The following ACACA variants were observed in gnomAD, a reference collection of about 807,000 sequenced individuals.
ACACA encodes the protein acetyl-CoA carboxylase alpha.
Under a neutral mutation model 296.1 loss-of-function variants are expected in ACACA, and 103 were observed. The ratio of observed to expected loss-of-function variants is 0.35; its 90% confidence interval spans 0.30 to 0.41. The LOEUF is 0.41. Ranked by LOEUF, ACACA falls within the 10% of genes least tolerant of loss-of-function variation. ACACA has a pLI of 1.00. For missense variants in ACACA, 1,554 were observed against 2,989.7 expected (o/e 0.52, Z 11.20); for synonymous variants, 953 against 1,038.6 (o/e 0.92, Z 1.58).
intron 16 of ACACA, 127 bp from the exon 17 acceptor site, chr17:37,248,801 T>A: frequency 1.5e-6 from 1 of 668,236 alleles, no homozygotes; most frequent in Middle Eastern, 3.3e-4. Flanking sequence ...ACCTAAATGA[T>A]CGTTTGTAAG....
At chr17:37,163,945 T>C (rs780776127) in intron 41 of ACACA, among the ~76,000 whole-genome samples, 2 of 152,224 alleles carry the variant, frequency 1.3e-5, no homozygotes, top group African/African-American at 2.4e-5. Flanking sequence ...GCTAGTTCCA[T>C]TTCTTTTCTA....
chr17:37,143,365 A>T (rs1014592457), intron 45 of ACACA, among the ~76,000 whole-genome samples: 1 of 152,034 alleles, frequency 6.6e-6, no homozygotes, highest in East Asian at 1.9e-4. Flanking sequence ...GAGACAATTG[A>T]AAATGAAAAA....
At chr17:37,285,964 T>A (rs2082748584) in intron 3 of ACACA, among the ~76,000 whole-genome samples, 1 of 152,140 alleles carries the variant, frequency 6.6e-6, no homozygotes, top group South Asian at 2.1e-4. Flanking sequence ...AGATCTCAAC[T>A]CACTACAACC....
Position 37,085,003 on chromosome 17 carries a change from T to C in ACACA, c.*2313A>G, listed in dbSNP as rs2072105069. ...TGACAAACTGTAACTCTTCTACAAA[T>C]GTAGAGGTTTATTTCAACAAAATGT... On this transcript the variant is annotated 3_prime_UTR_variant, in exon 56 of 56. Transcript: ENST00000616317. 1 of 152,686 alleles carries C rather than the reference T, an allele frequency of 6.5e-6. No homozygotes were observed. The highest frequency in any genetic ancestry group is 6.5e-5 in the Admixed American group (1 of 15,284). The allele number at this position is 152,686 out of a possible 1,614,324, so 9.5% of individuals were successfully genotyped here.
chr17:37,178,427 A>T (rs751202842), intron 41 of ACACA, among the ~76,000 whole-genome samples: 2 of 152,256 alleles, frequency 1.3e-5, no homozygotes, highest in Non-Finnish European at 2.9e-5. Context: ...TGAATTGAGC[A>T]TGGAGAAGAC....
intron 45 of ACACA, chr17:37,143,634 G>A: frequency 2.3e-6 from 2 of 873,662 alleles, no homozygotes; most frequent in African/African-American, 1.7e-5. Context: ...TATACAGGGG[G>A]GTTAAATGCT....
At position 37,252,937 on chromosome 17, in the gene ACACA, C is replaced by A. The variant is rs1279918286; in HGVS notation, c.1926G>T (p.Met642Ile). Residue 642 changes from methionine to isoleucine, a missense_variant, in exon 15 of 56, where the codon ATG becomes ATT. Around this residue, in one of 16 missense-constraint regions of ACACA, gnomAD observed 35 missense variants for 139.4 expected, o/e 0.25. Transcript: ENST00000616317. ...CCAGCCAGCCAGTATCAATTCTGTT[C>A]ATCTGAAAGCTTTCAGTCTCTAACA... ...IKLLETESFQMNRIDTGWLDR... is the reference protein window; with the variant it reads ...IKLLETESFQINRIDTGWLDR... 6.2e-7 allele frequency: 1 copy of A among 1,614,210 alleles called. No homozygotes were observed. The highest frequency in any genetic ancestry group is 1.3e-5 in the African/African-American group (1 of 75,054).
rs887032585 is a variant in ACACA at position 37,086,083 on chromosome 17, G to A, written c.*1233C>T. The A allele has an allele frequency of 5.8e-6, 2 of 344,194 alleles. No homozygotes were observed. The highest frequency in any genetic ancestry group is 2.1e-5 in the African/African-American group (1 of 47,512). The allele number at this position is 344,194 out of a possible 1,614,324, so 21.3% of individuals were successfully genotyped here. A position where few individuals can be genotyped will look rare whatever the true frequency, so the allele number is the denominator to read the frequency against. ...GGGCCAGTAAGCCTGGAGGACAGCA[G>A]CACCATGACTGAGTTGTAAATAATC... is the stretch of plus-strand genomic sequence containing the variant. On this transcript the variant is annotated 3_prime_UTR_variant, in exon 56 of 56. Coordinates refer to ENST00000616317, the MANE Select transcript of ACACA (RefSeq NM_198834.3).
chr17:37,311,472 A>G lies in ACACA; in HGVS notation c.338+18701T>C, dbSNP rs546663778. Among the ~76,000 whole-genome samples the G allele has an allele frequency of 4.6e-5, 7 of 152,198 alleles. No individual in the cohort carries two copies. The East Asian group carries it at 1.2e-3, about 25-fold the overall frequency. On this transcript the variant is annotated intron_variant, in intron 3 of 55. Coordinates refer to ENST00000616317, the MANE Select transcript of ACACA (RefSeq NM_198834.3). ...TACATATGCATGAAGAAAAAATGAG[A>G]AGGAGAATACAGATAAAAGTAAGTT...
intron 1 of ACACA, among the ~76,000 whole-genome samples, chr17:37,381,287 G>A (rs1056302965): frequency 1.3e-4 from 20 of 151,940 alleles, no homozygotes; most frequent in African/African-American, 4.6e-4. Flanking sequence ...CCAGGTTCAC[G>A]TGATTCTCCT....
chr17:37,400,728 TTG>T (rs551347148), intron 1 of ACACA, among the ~76,000 whole-genome samples: 1 of 146,034 alleles, frequency 6.8e-6, no homozygotes, highest in African/African-American at 2.5e-5. Flanking sequence ...CAGTATTCCA[TTG>T]TGTGTGTGTC....
intron 3 of ACACA, among the ~76,000 whole-genome samples, chr17:37,288,269 C>T (rs2082883612): frequency 1.3e-5 from 2 of 151,954 alleles, no homozygotes; most frequent in South Asian, 4.1e-4. Context: ...ATAAAAATTA[C>T]CTTCCTGTCC....
chr17:37,338,624 C>A (rs2048245780), intron 2 of ACACA, among the ~76,000 whole-genome samples: 1 of 150,956 alleles, frequency 6.6e-6, no homozygotes, highest in Non-Finnish European at 1.5e-5. Flanking sequence ...CAAAAAAAAA[C>A]AAAAAACCTT....
rs1567771035 is a variant in ACACA at position 37,179,326 on chromosome 17, G to GT, written c.5012dup (p.Tyr1671Ter). 3 of 1,614,016 alleles carry GT rather than the reference G, an allele frequency of 1.9e-6. No homozygotes were observed. Among genetic ancestry groups the GT allele is most frequent in the Non-Finnish European group, 2.5e-6 (3 of 1,180,018 alleles). The change falls in exon 41 of 56, where the codon TAC becomes TAAC. Residue 1671 changes from tyrosine to a stop codon, truncating the protein, a stop_gained and frameshift_variant. Coordinates refer to ENST00000616317, the MANE Select transcript of ACACA (RefSeq NM_198834.3). LOFTEE classifies it high-confidence loss of function. Reference sequence around the variant, plus strand: ...CTTGATCATCCAGTACCAGTTCAGTGTAAGTCAGCATGTCAGAAGGCAGAG... The same window carrying GT: ...CTTGATCATCCAGTACCAGTTCAGTGTTAAGTCAGCATGTCAGAAGGCAGAG... ...SPPLPSDMLT[Y>*]TELVLDDQGQ...
At position 37,121,490 on chromosome 17, in the gene ACACA, T is replaced by C. The variant is rs141258772; in HGVS notation, c.6139A>G (p.Ile2047Val). Residue 2047 changes from isoleucine (I) to valine (V), a missense_variant and splice_region_variant, in exon 50 of 56, where the codon ATA becomes GTA. Transcript: ENST00000616317. ...DPANLDSEAK[I>V]IQQAGQVWFP... ...CAAACCTGGCCAGCCTGCTGGATTATCTATTAGGAAAAGTCAAAGAAGACA... is the reference window on the plus strand; with the variant it reads ...CAAACCTGGCCAGCCTGCTGGATTACCTATTAGGAAAAGTCAAAGAAGACA... 56 of 1,614,036 alleles carry C rather than the reference T, an allele frequency of 3.5e-5. No homozygotes were observed. Among genetic ancestry groups the C allele is most frequent in the Middle Eastern group, 1.6e-4 (1 of 6,084 alleles).
chr17:37,206,893 G>C lies in ACACA; in HGVS notation c.3852-14C>G. 2 of 1,598,632 alleles carry C rather than the reference G, an allele frequency of 1.3e-6. No individual in the cohort carries two copies. The highest frequency in any genetic ancestry group is 1.7e-6 in the Non-Finnish European group (2 of 1,166,072). The stretch of plus-strand genomic sequence containing the variant: ...TCATCAAAGATCCTAAAAAATACAA[G>C]AGAAACACCCACCATGAAAACTCAA... On this transcript the variant is annotated splice_polypyrimidine_tract_variant and intron_variant, in intron 31 of 55. Coordinates refer to ENST00000616317, the MANE Select transcript of ACACA (RefSeq NM_198834.3).
At chr17:37,372,804 T>A (rs1016477332) in intron 1 of ACACA, among the ~76,000 whole-genome samples, 4 of 152,054 alleles carry the variant, frequency 2.6e-5, no homozygotes, top group African/African-American at 9.7e-5. Flanking sequence ...AGAAAGTCAG[T>A]CAAAATATCT....
At chr17:37,260,702 A>G (rs753476326) in intron 11 of ACACA, among the ~76,000 whole-genome samples, 2 of 152,100 alleles carry the variant, frequency 1.3e-5, no homozygotes, top group Non-Finnish European at 2.9e-5. Context: ...GCCAACTTCA[A>G]TCATGCAAAT....
chr17:37,179,358 A>G lies in ACACA; in HGVS notation c.4981T>C (p.Ser1661Pro). 1 of 1,614,170 alleles carries G rather than the reference A, an allele frequency of 6.2e-7. No homozygotes were observed. The highest frequency in any genetic ancestry group is 2.2e-5 in the East Asian group (1 of 44,876). Residue 1661 changes from serine (S) to proline (P), a missense_variant, in exon 41 of 56, where the codon TCT (serine) becomes CCT (proline). Ser to Pro is a moderately conservative substitution (Grantham distance 74). Coordinates refer to ENST00000616317, the MANE Select transcript of ACACA (RefSeq NM_198834.3). The stretch of plus-strand genomic sequence containing the variant: ...AGCATGTCAGAAGGCAGAGGGGGAG[A>G]TGGAAGAAATGCTTGAGTGGACATA... ...ESMSTQAFLPSPPLPSDMLTY... is the reference protein window; with the variant it reads ...ESMSTQAFLPPPPLPSDMLTY...
Sources: gnomAD v4.1 joint callset for allele counts (sites outside exome capture counted in the v4.1 genomes callset) on GRCh38, gnomAD v4.1.1 for gene constraint, gnomAD v4.1.1 regional missense constraint, MANE v1.5 for transcripts, NCBI Gene and HGNC (gene_info 2026-07-23, HGNC 2026-07-21) for gene names.